Variants in PFDN1 observed in about 807,000 individuals in gnomAD.
PFDN1 encodes prefoldin subunit 1, also known as prefoldin 1.
PFDN1 carries 6 observed loss-of-function variants against 17.3 expected under a neutral mutation model. The ratio of observed to expected loss-of-function variants is 0.35; its 90% CI spans 0.19 to 0.69. The LOEUF (loss-of-function observed/expected upper bound fraction) is 0.69, where lower values mean the gene tolerates loss of function less well. Ranked by LOEUF, PFDN1 falls within the 30% of genes least tolerant of loss-of-function variation. PFDN1 has a pLI of 0.65. For synonymous variants in PFDN1, 58 were observed against 50.1 expected, an observed-to-expected ratio of 1.16 and a Z score of -0.67; for missense variants, 113 against 146.2, an observed-to-expected ratio of 0.77 and a Z score of 1.17.
chr5:140,287,839 T>G (rs1281546001), intron 2 of PFDN1, among the ~76,000 whole-genome samples: 1 of 152,196 alleles, frequency 6.6e-6, no homozygotes, highest in Non-Finnish European at 1.5e-5. Context: ...GAAAAGATAT[T>G]CAACATCATA....
intron 3 of PFDN1, among the ~76,000 whole-genome samples, chr5:140,271,998 A>G (rs930344013): frequency 6.9e-6 from 1 of 144,842 alleles, no homozygotes; most frequent in Non-Finnish European, 1.5e-5. Flanking sequence ...TATACATAAG[A>G]TATATTTATA....
At chr5:140,261,510 A>G (rs1450695244) in intron 3 of PFDN1, among the ~76,000 whole-genome samples, 1 of 152,182 alleles carries the variant, frequency 6.6e-6, no homozygotes, top group Non-Finnish European at 1.5e-5. Context: ...GCAACCGGAA[A>G]CCCATAAAAG....
intron 3 of PFDN1, among the ~76,000 whole-genome samples, chr5:140,256,896 C>G (rs969750456): frequency 4.6e-5 from 7 of 152,046 alleles, no homozygotes; most frequent in Non-Finnish European, 8.8e-5. Flanking sequence ...TGGACACTCT[C>G]ACACTGAATC....
chr5:140,261,200 AAGAC>A (rs1765061440), intron 3 of PFDN1, among the ~76,000 whole-genome samples: 1 of 152,092 alleles, frequency 6.6e-6, no homozygotes, highest in Admixed American at 6.6e-5. Context: ...ATTTTAAAAA[AAGAC>A]AGGACATTAA....
At chr5:140,272,336 A>G (rs1050836105) in intron 3 of PFDN1, among the ~76,000 whole-genome samples, 1 of 146,804 alleles carries the variant, frequency 6.8e-6, no homozygotes, top group Non-Finnish European at 1.5e-5. Context: ...ATATTATTTT[A>G]GAGATACATC....
chr5:140,264,776 T>C (rs1765113668), intron 3 of PFDN1, among the ~76,000 whole-genome samples: 2 of 152,152 alleles, frequency 1.3e-5, no homozygotes, highest in Middle Eastern at 3.4e-3. Context: ...GCCCAGGAGT[T>C]CCAGGCTGCA....
intron 3 of PFDN1, among the ~76,000 whole-genome samples, chr5:140,275,408 C>A (rs867429223): frequency 7.8e-3 from 824 of 105,886 alleles, no homozygotes; most frequent in South Asian, 9.8e-3. Flanking sequence ...GACTCTGTCT[C>A]AAAAAAAAAA....
chr5:140,294,785 C>T (rs2126700754), intron 2 of PFDN1, among the ~76,000 whole-genome samples: 1 of 152,082 alleles, frequency 6.6e-6, no homozygotes. Context: ...ACTTCTGGAT[C>T]TTTCAACCGT....
intron 2 of PFDN1, among the ~76,000 whole-genome samples, chr5:140,282,585 T>C (rs534650173): frequency 6.6e-6 from 1 of 152,180 alleles, no homozygotes; most frequent in Non-Finnish European, 1.5e-5. Context: ...AAGCTCAAAA[T>C]GTACAAGTGG....
At chr5:140,294,793 C>T (rs1028452914) in intron 2 of PFDN1, among the ~76,000 whole-genome samples, 11 of 151,886 alleles carry the variant, frequency 7.2e-5, no homozygotes, top group South Asian at 6.2e-4. Context: ...ATCTTTCAAC[C>T]GTTAGAGATC....
chr5:140,302,948 T>G, intron 1 of PFDN1, 93 bp downstream of exon 1: 1 of 929,566 alleles, frequency 1.1e-6, no homozygotes, highest in Non-Finnish European at 1.8e-6. Flanking sequence ...CCCTCCTTCC[T>G]TCTGCAAGGC....
intron 3 of PFDN1, among the ~76,000 whole-genome samples, chr5:140,278,959 C>T (rs1765346652): frequency 6.6e-6 from 1 of 152,012 alleles, no homozygotes; most frequent in Non-Finnish European, 1.5e-5. Flanking sequence ...TAGGGAAGTA[C>T]TGGAGAACAT....
intron 3 of PFDN1, among the ~76,000 whole-genome samples, chr5:140,270,704 T>C (rs990634701): frequency 1.3e-5 from 2 of 152,160 alleles, no homozygotes; most frequent in African/African-American, 4.8e-5. Flanking sequence ...GGCGGGCGGA[T>C]AACGGGGTCA....
chr5:140,257,065 T>C (rs886812912), intron 3 of PFDN1, among the ~76,000 whole-genome samples: 1 of 151,128 alleles, frequency 6.6e-6, no homozygotes, highest in African/African-American at 2.4e-5. Context: ...CTACTAAAAA[T>C]AAAAAAAATT....
intron 2 of PFDN1, among the ~76,000 whole-genome samples, chr5:140,284,721 G>A (rs1205305751): frequency 6.6e-6 from 1 of 152,168 alleles, no homozygotes; most frequent in East Asian, 1.9e-4. Flanking sequence ...CAAATAATAT[G>A]CAGATAACAT....
chr5:140,265,971 G>C (rs1035279732), intron 3 of PFDN1: 2 of 152,306 alleles, frequency 1.3e-5, no homozygotes, highest in South Asian at 2.1e-4. Context: ...TCCACTTCCA[G>C]ACTTTTGTCC....
intron 3 of PFDN1, among the ~76,000 whole-genome samples, chr5:140,249,624 G>A (rs958328459): frequency 6.6e-6 from 1 of 152,156 alleles, no homozygotes; most frequent in African/African-American, 2.4e-5. Flanking sequence ...GGTTTGTTTG[G>A]CCCACAGGTC....
intron 2 of PFDN1, among the ~76,000 whole-genome samples, chr5:140,288,697 G>T (rs933575555): frequency 2.6e-5 from 4 of 152,128 alleles, no homozygotes; most frequent in African/African-American, 9.7e-5. Context: ...AAAAAATAAA[G>T]TTGCTGGCCG....
At chr5:140,251,497 C>T (rs576219400) in intron 3 of PFDN1, among the ~76,000 whole-genome samples, 4 of 152,280 alleles carry the variant, frequency 2.6e-5, no homozygotes, top group African/African-American at 4.8e-5. Context: ...CTGCTCTATC[C>T]GATGTCAGCC....
Sources: gnomAD v4.1 joint callset for allele counts (sites outside exome capture counted in the v4.1 genomes callset) on GRCh38, gnomAD v4.1.1 for gene constraint, MANE v1.5 for transcripts, NCBI Gene and HGNC (gene_info 2026-07-23, HGNC 2026-07-21) for gene names.